KLRG2: variants seen among roughly 807,000 people sequenced by gnomAD.
KLRG2 encodes the protein killer cell lectin-like receptor subfamily G member 2.
A neutral mutation model predicts 35.4 loss-of-function variants in KLRG2; 39 were observed. The observed-to-expected ratio is 1.10, with a 90% CI of 0.85 to 1.44. The LOEUF (loss-of-function observed/expected upper bound fraction) is 1.44. Among genes scored for constraint, KLRG2 ranks in the 40% most tolerant of loss-of-function variants. The pLI, the probability that KLRG2 is intolerant of heterozygous loss-of-function variation, is 0.00. For synonymous variants in KLRG2, 283 were observed against 265.8 expected (o/e 1.06, Z -0.63); for missense variants, 632 against 570.9 (o/e 1.11, Z -1.09).
chr7:139,438,269 T>G, the KLRG2 span, among the ~76,000 whole-genome samples: 1 of 152,202 alleles, frequency 6.6e-6, no homozygotes, highest in Non-Finnish European at 1.5e-5. Context: ...TCTCACTTTG[T>G]CACCCAGACT....
At chr7:139,455,798 G>C (rs1796468767) in intron 3 of KLRG2, among the ~76,000 whole-genome samples, 1 of 151,956 alleles carries the variant, frequency 6.6e-6, no homozygotes, top group Non-Finnish European at 1.5e-5. Flanking sequence ...ATTTCACTGA[G>C]AAATAAATCC....
chr7:139,464,055 G>C (rs117314168), intron 3 of KLRG2, among the ~76,000 whole-genome samples: 6,388 of 152,202 alleles, frequency 0.042, 283 homozygotes, highest in East Asian at 0.23. Context: ...GTTAGGTCAA[G>C]ACATTTTAAC....
chr7:139,474,767 A>AG (rs1362181536), intron 3 of KLRG2, among the ~76,000 whole-genome samples: 3 of 152,312 alleles, frequency 2.0e-5, no homozygotes, highest in African/African-American at 7.2e-5. Context: ...TCTCAAAAAA[A>AG]TAAATAAATA....
At chr7:139,477,001 A>G (rs1488647537) in intron 3 of KLRG2, among the ~76,000 whole-genome samples, 1 of 152,140 alleles carries the variant, frequency 6.6e-6, no homozygotes, top group Non-Finnish European at 1.5e-5. Context: ...AACACGGAGT[A>G]AGTGCTTAAT....
intron 3 of KLRG2, among the ~76,000 whole-genome samples, chr7:139,465,847 G>A (rs1171310144): frequency 6.6e-6 from 1 of 152,074 alleles, no homozygotes; most frequent in South Asian, 2.1e-4. Flanking sequence ...TATCCCTCAT[G>A]GCAGTTTTTC....
intron 3 of KLRG2, among the ~76,000 whole-genome samples, chr7:139,462,770 C>T (rs1049056796): frequency 3.9e-5 from 6 of 152,096 alleles, no homozygotes; most frequent in African/African-American, 1.5e-4. Flanking sequence ...TTTTACACAT[C>T]AGTCCCTCCC....
At chr7:139,447,328 T>C in the KLRG2 span, among the ~76,000 whole-genome samples, 1 of 152,036 alleles carries the variant, frequency 6.6e-6, no homozygotes, top group Non-Finnish European at 1.5e-5. Context: ...CCATATGGTA[T>C]GGCCTATTAC....
downstream of KLRG2, among the ~76,000 whole-genome samples, chr7:139,447,894 A>G (rs1005566868): frequency 3.3e-5 from 5 of 152,206 alleles, no homozygotes; most frequent in African/African-American, 9.7e-5. Context: ...CTCTAAATCT[A>G]GTTTTACCTA....
downstream of KLRG2, among the ~76,000 whole-genome samples, chr7:139,452,177 CCAGGCTGG>C (rs1226072206): frequency 6.6e-6 from 1 of 151,986 alleles, no homozygotes; most frequent in African/African-American, 2.4e-5. Flanking sequence ...ACCATGTTGG[CCAGGCTGG>C]CAGGCTGGTC....
chr7:139,453,687 T>C lies in KLRG2; in HGVS notation c.1130A>G (p.Asp377Gly). ...PPQLLPEDGE[D>G]NLDINCGALE... ...GGCCCCACAGTTGATATCCAGATTG[T>C]CCTCGCCGTCCTCAGGGAGTCTGGG... The change falls in exon 5 of 5, where the codon GAC becomes GGC. Residue 377 changes from aspartate (D) to glycine (G), a missense_variant. Coordinates refer to ENST00000340940, the MANE Select transcript of KLRG2 (RefSeq NM_198508.4). 1.2e-6 allele frequency: 2 copies of C among 1,614,112 alleles called. No homozygotes were observed. Among genetic ancestry groups the C allele is most frequent in the South Asian group, 1.1e-5 (1 of 91,062 alleles).
At chr7:139,433,739 T>G in the KLRG2 span, among the ~76,000 whole-genome samples, 2 of 151,408 alleles carry the variant, frequency 1.3e-5, no homozygotes, top group Non-Finnish European at 2.9e-5. Context: ...GGGTTCAAGT[T>G]ATTCTTCTGC....
intron 3 of KLRG2, among the ~76,000 whole-genome samples, chr7:139,476,910 G>T (rs772466260): frequency 1.3e-4 from 20 of 152,084 alleles, no homozygotes; most frequent in Non-Finnish European, 1.8e-4. Flanking sequence ...CCTGATTGAC[G>T]TCTGCCTCAC....
At chr7:139,461,378 GC>G (rs1376798205) in intron 3 of KLRG2, among the ~76,000 whole-genome samples, 1 of 152,180 alleles carries the variant, frequency 6.6e-6, no homozygotes, top group Non-Finnish European at 1.5e-5. Flanking sequence ...AAGTTACTGA[GC>G]TTTTCTTTGC....
chr7:139,482,095 G>A (rs1288286324), intron 1 of KLRG2, among the ~76,000 whole-genome samples: 1 of 152,094 alleles, frequency 6.6e-6, no homozygotes, highest in Non-Finnish European at 1.5e-5. Flanking sequence ...ATAACCAGCC[G>A]CACATACTAC....
intron 3 of KLRG2, among the ~76,000 whole-genome samples, chr7:139,469,057 C>T (rs1005433599): frequency 1.3e-5 from 2 of 152,256 alleles, no homozygotes; most frequent in Non-Finnish European, 2.9e-5. Context: ...ATCTTGATCT[C>T]AGACTTCCAG....
intron 3 of KLRG2, among the ~76,000 whole-genome samples, chr7:139,468,580 C>T (rs111836260): frequency 0.079 from 11,968 of 152,272 alleles, 613 homozygotes; most frequent in Non-Finnish European, 0.12. Context: ...AGCCCGCCTG[C>T]ACCCAGGTGA....
the KLRG2 span, among the ~76,000 whole-genome samples, chr7:139,445,285 T>C: frequency 6.6e-6 from 1 of 152,154 alleles, no homozygotes; most frequent in Non-Finnish European, 1.5e-5. Context: ...TTTCCCCATG[T>C]TGGCCAGGCT....
At chr7:139,454,009 C>T (rs1338496918) in intron 4 of KLRG2, 102 bp downstream of exon 4, 1 of 807,832 alleles carries the variant, frequency 1.2e-6, no homozygotes, top group Non-Finnish European at 2.1e-6. Flanking sequence ...GGCTGCTTTC[C>T]AAGTGGCATT....
Position 139,453,412 on chromosome 7 carries a change from A to T in KLRG2, c.*175T>A. On this transcript the variant is annotated 3_prime_UTR_variant, in exon 5 of 5. Transcript: ENST00000340940. ...CCATAGAAAATCTCCTTTCCCTCGG[A>T]TGCATCTTCCTGGGTTGAAGTCCAG... 1.6e-6 allele frequency: 1 copy of T among 615,376 alleles called. No individual in the cohort carries two copies. The highest frequency in any genetic ancestry group is 2.8e-6 in the Non-Finnish European group (1 of 360,306). 38.1% of individuals were successfully genotyped at this position (615,376 alleles called of 1,614,324 possible).
Sources: gnomAD v4.1 joint callset for allele counts (sites outside exome capture counted in the v4.1 genomes callset) on GRCh38, gnomAD v4.1.1 for gene constraint, MANE v1.5 for transcripts, NCBI Gene and HGNC (gene_info 2026-07-23, HGNC 2026-07-21) for gene names.